The following ASXL1 variants were observed in gnomAD, a reference collection of about 807,000 sequenced individuals.
The protein encoded by ASXL1 is ASXL transcriptional regulator 1.
A neutral mutation model predicts 89.1 loss-of-function variants in ASXL1; 65 were observed. The observed-to-expected ratio is 0.73, with a 90% CI of 0.60 to 0.90. The LOEUF (loss-of-function observed/expected upper bound fraction) is 0.90. Ranked by LOEUF, ASXL1 falls within the 40% of genes least tolerant of loss-of-function variation. The pLI, the probability that ASXL1 is intolerant of heterozygous loss-of-function variation, is 0.00. For missense variants in ASXL1, 1,786 were observed against 1,942.9 expected (o/e 0.92, Z 1.52); for synonymous variants, 739 against 746.9 (o/e 0.99, Z 0.17).
At chr20:32,409,855 C>T (rs990066481) in intron 4 of ASXL1, among the ~76,000 whole-genome samples, 2 of 152,158 alleles carry the variant, frequency 1.3e-5, no homozygotes, top group East Asian at 1.9e-4. Context: ...TCACATGGTA[C>T]ATTTGTTTGT....
rs6058693 is a variant in ASXL1, at chr20:32,434,963, G to T, written c.2251G>T (p.Val751Phe). The change falls in exon 13 of 13, where the codon GTT becomes TTT. Residue 751 changes from valine to phenylalanine, a missense_variant. Val to Phe is a conservative substitution (Grantham distance 50, BLOSUM62 -1). Transcript: ENST00000375687. ...DGLGDASQLP[V>F]APTGDQPCQA... ...GCTAGGAGATGCCTCCCAACTCCCC[G>T]TTGCTCCCACTGGGGACCAGCCATG... is the stretch of plus-strand genomic sequence containing the variant. 14 of 1,613,960 alleles carry T rather than the reference G, an allele frequency of 8.7e-6. No individual in the cohort carries two copies. The South Asian group carries it at 1.2e-4, about 14-fold the overall frequency.
chr20:32,398,769 C>T (rs1029959839), intron 4 of ASXL1, among the ~76,000 whole-genome samples: 1 of 151,484 alleles, frequency 6.6e-6, no homozygotes, highest in Non-Finnish European at 1.5e-5. Flanking sequence ...GCCACTACGC[C>T]CGGCTCATTT....
At chr20:32,399,020 G>A (rs1156413456) in intron 4 of ASXL1, among the ~76,000 whole-genome samples, 2 of 151,848 alleles carry the variant, frequency 1.3e-5, no homozygotes, top group Admixed American at 6.6e-5. Flanking sequence ...GCCCAGCCTG[G>A]CCAACACAGT....
chr20:32,393,304 G>C (rs2048704721), intron 4 of ASXL1, among the ~76,000 whole-genome samples: 1 of 152,006 alleles, frequency 6.6e-6, no homozygotes, highest in South Asian at 2.1e-4. Context: ...CTTTTCATTT[G>C]ATTAGTGTTT....
intron 4 of ASXL1, among the ~76,000 whole-genome samples, chr20:32,399,343 C>CT (rs994571899): frequency 2.7e-5 from 4 of 150,688 alleles, no homozygotes; most frequent in East Asian, 2.0e-4. Context: ...ATTTTGCATG[C>CT]TTTTTTTTTC....
intron 3 of ASXL1, 51 bp from the exon 4 acceptor site, chr20:32,368,964 A>C (rs1189997347): frequency 2.0e-6 from 3 of 1,488,388 alleles, no homozygotes; most frequent in African/African-American, 1.4e-5. Flanking sequence ...TAGGTCTTTA[A>C]GTAGGCAGAT....
At position 32,431,401 on chromosome 20, in the gene ASXL1, C is replaced by T. The variant is rs1323732401; in HGVS notation, c.799C>T (p.Leu267=). ...TCTTGTCAACACCAACCTCCGTGCCCTGATCAACTCTCGGACCTTCCATGC... is the reference window on the plus strand; with the variant it reads ...TCTTGTCAACACCAACCTCCGTGCCTTGATCAACTCTCGGACCTTCCATGC... ...SILVNTNLRA[L]INSRTFHALP... Residue 267 remains leucine (L), a synonymous_variant, in exon 9 of 13, where the codon CTG becomes TTG. Transcript: ENST00000375687. 2 of 1,614,098 alleles carry T rather than the reference C, an allele frequency of 1.2e-6. No individual in the cohort carries two copies. The highest frequency in any genetic ancestry group is 1.7e-5 in the Admixed American group (1 of 60,010).
intron 4 of ASXL1, among the ~76,000 whole-genome samples, chr20:32,389,835 T>C (rs1046512528): frequency 6.6e-6 from 1 of 152,238 alleles, no homozygotes; most frequent in African/African-American, 2.4e-5. Context: ...CCCCAAGTGT[T>C]GGGATTAGAG....
At position 32,429,861 on chromosome 20, in the gene ASXL1, C is replaced by CTTGGTGATACT. The variant is rs776631368; in HGVS notation, c.566-37_566-27dup. 1 of 1,602,058 alleles carries CTTGGTGATACT rather than the reference C, an allele frequency of 6.2e-7. No homozygotes were observed. Among genetic ancestry groups the CTTGGTGATACT allele is most frequent in the African/African-American group, 1.3e-5 (1 of 74,698 alleles). ...GCTTGTCTGAGAGCCATGGGCGCGG[C>CTTGGTGATACT]TTGGTGATACTTTTGACCAGTGGAA... is the stretch of plus-strand genomic sequence containing the variant. On this transcript the variant is annotated intron_variant, in intron 7 of 12. Transcript: ENST00000375687. The surrounding 1 kb of genome is among the most constrained non-coding windows in gnomAD (Gnocchi z 4.9).
intron 4 of ASXL1, among the ~76,000 whole-genome samples, chr20:32,402,539 G>C (rs1286313707): frequency 6.6e-6 from 1 of 152,220 alleles, no homozygotes; most frequent in African/African-American, 2.4e-5. Flanking sequence ...CGACTACACT[G>C]TTTTCCAGAG....
intron 4 of ASXL1, among the ~76,000 whole-genome samples, chr20:32,376,222 GTTATTTTATTTTATTTTTATTTTATT>G (rs2048375415): frequency 6.6e-6 from 1 of 151,904 alleles, no homozygotes; most frequent in African/African-American, 2.4e-5. Flanking sequence ...GAAGACACCA[GTTATTTTATTTTATTTTTATTTTATT>G]TTATTTTATT....
At chr20:32,397,869 G>A (rs1021985454) in intron 4 of ASXL1, among the ~76,000 whole-genome samples, 8 of 152,196 alleles carry the variant, frequency 5.3e-5, no homozygotes, top group Admixed American at 3.3e-4. Flanking sequence ...CAAGTGCCTT[G>A]GCTCACGCCT....
chr20:32,404,364 G>T (rs1318702512), intron 4 of ASXL1, among the ~76,000 whole-genome samples: 2 of 152,104 alleles, frequency 1.3e-5, no homozygotes, highest in Non-Finnish European at 2.9e-5. Flanking sequence ...ATTTTGTACA[G>T]TTTTGTTAGA....
chr20:32,399,981 T>G (rs2048845015), intron 4 of ASXL1, among the ~76,000 whole-genome samples: 1 of 151,936 alleles, frequency 6.6e-6, no homozygotes, highest in Non-Finnish European at 1.5e-5. Context: ...AGGCTGGTCT[T>G]GAACTCCTGA....
intron 4 of ASXL1, among the ~76,000 whole-genome samples, chr20:32,408,383 A>G (rs944916830): frequency 2.6e-5 from 4 of 152,176 alleles, no homozygotes; most frequent in Admixed American, 2.6e-4. Context: ...GAGTCCATAC[A>G]TAAGGATATG....
intron 4 of ASXL1, chr20:32,372,356 A>G (rs1411585409): frequency 8.8e-7 from 1 of 1,141,420 alleles, no homozygotes; most frequent in Admixed American, 4.5e-5. Flanking sequence ...CCTTCATAGT[A>G]TCTTGTTCAT....
Position 32,429,690 on chromosome 20 carries a change from T to TA in ASXL1, c.566-210dup. The TA allele has an allele frequency of 7.0e-6, 5 of 719,206 alleles. No homozygotes were observed. The highest frequency in any genetic ancestry group is 1.1e-5 in the Non-Finnish European group (5 of 441,934). 44.6% of individuals were successfully genotyped at this position (719,206 alleles called of 1,614,324 possible). On this transcript the variant is annotated intron_variant, in intron 7 of 12. Coordinates refer to ENST00000375687, the MANE Select transcript of ASXL1 (RefSeq NM_015338.6). The surrounding 1 kb of genome is among the most constrained non-coding windows in gnomAD (Gnocchi z 4.9). ...CAGTGCTTTGTAAAAGGTGTAGTGC[T>TA]ATACAAATAAAGATGGCAGTTTGGC...
chr20:32,420,771 A>G (rs1413414802), intron 4 of ASXL1, among the ~76,000 whole-genome samples: 4 of 152,176 alleles, frequency 2.6e-5, no homozygotes, highest in African/African-American at 9.7e-5. Flanking sequence ...AAGAATCCCT[A>G]CAACTACAGT....
intron 2 of ASXL1, among the ~76,000 whole-genome samples, chr20:32,367,424 G>T (rs1300645581): frequency 6.6e-6 from 1 of 151,962 alleles, no homozygotes; most frequent in Non-Finnish European, 1.5e-5. Flanking sequence ...CTTAAATGAG[G>T]AAAGAGGAGA....
Sources: allele counts gnomAD v4.1 joint callset (sites outside exome capture counted in the v4.1 genomes callset), GRCh38; gene constraint gnomAD v4.1.1; non-coding constraint Gnocchi (gnomAD v3.1); transcripts MANE v1.5; gene names NCBI Gene and HGNC (gene_info 2026-07-23, HGNC 2026-07-21).